Variants in DLG2 observed in about 807,000 individuals in gnomAD.
The protein encoded by DLG2 is disks large homolog 2.
A neutral mutation model predicts 132.5 loss-of-function variants in DLG2; 45 were observed. The observed-to-expected ratio is 0.34, with a 90% CI of 0.27 to 0.44. DLG2 has a LOEUF of 0.44. DLG2 is among the 20% of genes least tolerant of loss of function. The probability of loss-of-function intolerance (pLI) is 1.00; values close to 1 mark genes in which losing one functional copy is unlikely to be tolerated. For missense variants in DLG2, 1,045 were observed against 1,196.9 expected (o/e 0.87, Z 1.87); for synonymous variants, 424 against 419.6 (o/e 1.01, Z -0.13).
intron 19 of DLG2, among the ~76,000 whole-genome samples, chr11:83,564,048 G>T (rs2096659817): frequency 6.7e-6 from 1 of 150,260 alleles, no homozygotes; most frequent in Admixed American, 6.6e-5. Context: ...GCTCACCATG[G>T]GCCTGTTCCA....
At chr11:83,833,859 C>T in intron 16 of DLG2, 89 bp from the exon 17 acceptor site, 1 of 1,298,104 alleles carries the variant, frequency 7.7e-7, no homozygotes, top group South Asian at 1.7e-5. Flanking sequence ...ATGATATCAG[C>T]AACTCACTAC....
chr11:83,650,721 A>C (rs904821814), intron 18 of DLG2, among the ~76,000 whole-genome samples: 2 of 152,240 alleles, frequency 1.3e-5, no homozygotes, highest in Non-Finnish European at 2.9e-5. Context: ...AGCAAAATTC[A>C]TACACAAATT....
intron 7 of DLG2, among the ~76,000 whole-genome samples, chr11:84,272,996 G>GAA (rs1211026366): frequency 6.6e-6 from 1 of 151,912 alleles, no homozygotes; most frequent in African/African-American, 2.4e-5. Flanking sequence ...TTCATACAGA[G>GAA]AAAAACCATA....
At position 84,970,450 on chromosome 11, in the gene DLG2, G is replaced by A. The variant is rs967383872; in HGVS notation, c.357+141211C>T. Among the ~76,000 whole-genome samples the A allele has an allele frequency of 4.6e-5, 7 of 152,058 alleles. No homozygotes were observed. In the East Asian group the frequency reaches 5.8e-4, roughly 13 times the overall value. On this transcript the variant is annotated intron_variant, in intron 6 of 27. Transcript: ENST00000376104. ...CTGCCATAACAAAATACCATAAACC[G>A]CGTTGCTTATAATCAACAACCATTT...
chr11:84,786,188 C>T (rs1288227921), intron 6 of DLG2, among the ~76,000 whole-genome samples: 2 of 152,046 alleles, frequency 1.3e-5, no homozygotes, highest in African/African-American at 4.8e-5. Flanking sequence ...TGGTTTTTAT[C>T]CCAGCTCCCC....
At chr11:84,977,141 G>A (rs545500703) in intron 6 of DLG2, among the ~76,000 whole-genome samples, 53 of 152,240 alleles carry the variant, frequency 3.5e-4, no homozygotes, top group African/African-American at 1.3e-3. Context: ...ACTCCAAGGG[G>A]TGTATGCTGA....
intron 3 of DLG2, among the ~76,000 whole-genome samples, chr11:85,296,628 A>G (rs1423154875): frequency 1.3e-5 from 2 of 151,526 alleles, no homozygotes; most frequent in African/African-American, 2.4e-5. Flanking sequence ...TGGCAGATTA[A>G]TAAATCTAAT....
At chr11:83,501,066 C>T (rs1187819823) in intron 21 of DLG2, among the ~76,000 whole-genome samples, 2 of 152,126 alleles carry the variant, frequency 1.3e-5, no homozygotes, top group Non-Finnish European at 2.9e-5. Flanking sequence ...GCTCACTTTA[C>T]AGTTATTCTC....
chr11:84,106,489 T>C (rs1171099896), intron 9 of DLG2, among the ~76,000 whole-genome samples: 1 of 152,086 alleles, frequency 6.6e-6, no homozygotes, highest in African/African-American at 2.4e-5. Flanking sequence ...TCTAATAATG[T>C]ATGTGTCCTG....
chr11:85,185,255 G>A (rs1311043373), intron 4 of DLG2, among the ~76,000 whole-genome samples: 1 of 151,910 alleles, frequency 6.6e-6, no homozygotes, highest in African/African-American at 2.4e-5. Flanking sequence ...TTAACAAAAT[G>A]TCTATTCTAT....
At chr11:84,980,723 G>C (rs1470659874) in intron 6 of DLG2, among the ~76,000 whole-genome samples, 1 of 152,170 alleles carries the variant, frequency 6.6e-6, no homozygotes, top group Non-Finnish European at 1.5e-5. Context: ...CCAAGTTTCT[G>C]GAGATAAAAG....
At chr11:84,864,674 C>A (rs187670058) in intron 6 of DLG2, among the ~76,000 whole-genome samples, 17 of 152,228 alleles carry the variant, frequency 1.1e-4, no homozygotes, top group Admixed American at 9.2e-4. Context: ...GGGCTAGATT[C>A]TGGGATGTAA....
At chr11:85,623,715 A>C (rs1439677236) in intron 2 of DLG2, among the ~76,000 whole-genome samples, 1 of 152,240 alleles carries the variant, frequency 6.6e-6, no homozygotes, top group Non-Finnish European at 1.5e-5. Context: ...CCATTCAAAA[A>C]AGAAGCTGCA....
At chr11:85,256,060 C>T (rs2076649206) in intron 4 of DLG2, among the ~76,000 whole-genome samples, 1 of 152,132 alleles carries the variant, frequency 6.6e-6, no homozygotes, top group African/African-American at 2.4e-5. Context: ...AAGGCCCAAC[C>T]TCCAGGCCTG....
At chr11:83,873,428 C>T (rs1395263876) in intron 16 of DLG2, among the ~76,000 whole-genome samples, 1 of 152,110 alleles carries the variant, frequency 6.6e-6, no homozygotes, top group African/African-American at 2.4e-5. Context: ...GTTTTCATGA[C>T]AGTGAATAAG....
At chr11:84,044,303 G>A (rs1340484585) in intron 11 of DLG2, among the ~76,000 whole-genome samples, 1 of 151,752 alleles carries the variant, frequency 6.6e-6, no homozygotes, top group African/African-American at 2.4e-5. Flanking sequence ...CTTCTTTCTG[G>A]TTTTGATTGC....
chr11:85,388,172 G>C (rs140810086), intron 3 of DLG2, among the ~76,000 whole-genome samples: 3 of 152,138 alleles, frequency 2.0e-5, no homozygotes, highest in African/African-American at 7.2e-5. Flanking sequence ...GTTGAGGCCA[G>C]TGGCTGCTAG....
intron 3 of DLG2, among the ~76,000 whole-genome samples, chr11:85,398,931 G>A (rs909125699): frequency 7.2e-5 from 11 of 151,848 alleles, no homozygotes; most frequent in African/African-American, 2.7e-4. Flanking sequence ...TCTGGCCAGG[G>A]CAATTAGGCA....
chr11:84,773,422 T>C (rs2069774911), intron 6 of DLG2, among the ~76,000 whole-genome samples: 1 of 152,152 alleles, frequency 6.6e-6, no homozygotes, highest in Non-Finnish European at 1.5e-5. Flanking sequence ...ACTCATTCTA[T>C]GAGGCCAGCA....
Sources: allele counts gnomAD v4.1 joint callset (sites outside exome capture counted in the v4.1 genomes callset), GRCh38; gene constraint gnomAD v4.1.1; transcripts MANE v1.5; gene names NCBI Gene and HGNC (gene_info 2026-07-23, HGNC 2026-07-21).